Variants in DNAJC27 observed in about 807,000 individuals in gnomAD.
DNAJC27 encodes the protein DnaJ heat shock protein family (Hsp40) member C27.
In DNAJC27, 25 loss-of-function variants were observed where a neutral mutation model predicts 31.4. The observed-to-expected ratio is 0.80, with a 90% CI of 0.58 to 1.11. The LOEUF is 1.11. Ranked by LOEUF, DNAJC27 falls within the 50% of genes most tolerant of loss-of-function variation. The pLI, the probability that DNAJC27 is intolerant of heterozygous loss-of-function variation, is 0.00. For synonymous variants in DNAJC27, 106 were observed against 112.7 expected (o/e 0.94, Z 0.37); for missense variants, 356 against 347.3 (o/e 1.02, Z -0.20).
intron 3 of DNAJC27, chr2:24,958,561 T>C (rs1299544739): frequency 4.8e-6 from 2 of 420,014 alleles, no homozygotes. Context: ...TTTGTGATCT[T>C]GGGCAAGTCA....
chr2:24,948,702 G>C (rs1665702191), intron 6 of DNAJC27, among the ~76,000 whole-genome samples: 1 of 152,166 alleles, frequency 6.6e-6, no homozygotes, highest in South Asian at 2.1e-4. Context: ...AACTGGCTGG[G>C]GAGGGGCCTG....
chr2:24,951,321 C>T (rs947020847), intron 6 of DNAJC27, 73 bp downstream of exon 6: 1 of 1,441,438 alleles, frequency 6.9e-7, no homozygotes, highest in African/African-American at 1.4e-5. Context: ...GGAAGATATA[C>T]TGCACCTATA....
rs1284650005 is a variant in DNAJC27 at position 24,945,426 on chromosome 2, A to C, written c.*2190T>G. 1 of 152,214 alleles carries C rather than the reference A, an allele frequency of 6.6e-6. No homozygotes were observed. The highest frequency in any genetic ancestry group is 1.5e-5 in the Non-Finnish European group (1 of 68,034). 9.4% of individuals were successfully genotyped at this position (152,214 alleles called of 1,614,324 possible). A position where few individuals can be genotyped will look rare whatever the true frequency, so the allele number is the denominator to read the frequency against. On this transcript the variant is annotated 3_prime_UTR_variant, in exon 7 of 7. Coordinates refer to ENST00000264711, the MANE Select transcript of DNAJC27 (RefSeq NM_016544.3). ...ATTGCTCATCTGTGCAATACGGCTG[A>C]ATGAGGTTCCCAATCTAGTATTTAA...
At position 24,947,765 on chromosome 2, in the gene DNAJC27, A is replaced by C. The variant is rs765762166; in HGVS notation, c.690-17T>G. On this transcript the variant is annotated splice_polypyrimidine_tract_variant and intron_variant, in intron 6 of 6. Coordinates refer to ENST00000264711, the MANE Select transcript of DNAJC27 (RefSeq NM_016544.3). ...ACTTCATCCCTGGGAAAAGAAGCCA[A>C]GATCTATGTTAGTAACAGAGTCAGC... 2 of 1,608,972 alleles carry C rather than the reference A, an allele frequency of 1.2e-6. No individual in the cohort carries two copies. Among genetic ancestry groups the C allele is most frequent in the South Asian group, 1.1e-5 (1 of 90,754 alleles).
chr2:24,949,023 G>T (rs1300930855), intron 6 of DNAJC27, among the ~76,000 whole-genome samples: 1 of 152,174 alleles, frequency 6.6e-6, no homozygotes, highest in Admixed American at 6.5e-5. Flanking sequence ...TGAGGTCATA[G>T]GGTCATGTTA....
intron 1 of DNAJC27, among the ~76,000 whole-genome samples, chr2:24,970,072 T>C (rs1666290310): frequency 2.0e-5 from 3 of 152,254 alleles, no homozygotes; most frequent in Admixed American, 6.5e-5. Flanking sequence ...TGTCTTCATA[T>C]AGGTGCTGCC....
chr2:24,945,383 T>C lies in DNAJC27; in HGVS notation c.*2233A>G, dbSNP rs573876535. On this transcript the variant is annotated 3_prime_UTR_variant, in exon 7 of 7. Coordinates refer to ENST00000264711, the MANE Select transcript of DNAJC27 (RefSeq NM_016544.3). Reference sequence around the variant, plus strand: ...ATAAGGATATGAGTGGGAGCACTAATGAATTTTCTCTGCTGTAATTGCTCA... The same window carrying C: ...ATAAGGATATGAGTGGGAGCACTAACGAATTTTCTCTGCTGTAATTGCTCA... 9.8e-4 allele frequency: 150 copies of C among 152,308 alleles called. No individual in the cohort carries two copies. Among genetic ancestry groups the C allele is most frequent in the African/African-American group, 3.6e-3 (148 of 41,564 alleles). 9.4% of individuals were successfully genotyped at this position (152,308 alleles called of 1,614,324 possible).
At chr2:24,954,197 A>G (rs1042296341) in intron 5 of DNAJC27, among the ~76,000 whole-genome samples, 30 of 152,248 alleles carry the variant, frequency 2.0e-4, no homozygotes, top group African/African-American at 6.5e-4. Context: ...GCTGGGCTAT[A>G]TATGCATAGG....
rs1278191015 is a variant in DNAJC27, at chr2:24,944,390, G to A, written c.*3226C>T. The A allele has an allele frequency of 1.3e-5, 2 of 151,412 alleles. No individual in the cohort carries two copies. The highest frequency in any genetic ancestry group is 4.9e-5 in the African/African-American group (2 of 41,000). 9.4% of individuals were successfully genotyped at this position (151,412 alleles called of 1,614,324 possible). A position where few individuals can be genotyped will look rare whatever the true frequency, so the allele number is the denominator to read the frequency against. ...TTCTTTTTTTTAAAAAACTGATTCA[G>A]AGCTTGCAGTGGCTGCTTACTTACT... is the stretch of plus-strand genomic sequence containing the variant. On this transcript the variant is annotated 3_prime_UTR_variant, in exon 7 of 7. Transcript: ENST00000264711.
At chr2:24,967,548 A>C (rs566092349) in intron 1 of DNAJC27, among the ~76,000 whole-genome samples, 2 of 152,236 alleles carry the variant, frequency 1.3e-5, no homozygotes, top group Non-Finnish European at 2.9e-5. Context: ...AAAAATACAA[A>C]AATCAGCCGG....
At chr2:24,955,371 A>T (rs1279024126) in intron 5 of DNAJC27, among the ~76,000 whole-genome samples, 3 of 152,112 alleles carry the variant, frequency 2.0e-5, no homozygotes, top group Admixed American at 6.5e-5. Flanking sequence ...AAAAATGCAT[A>T]AAAAAATGGA....
rs1000888539 is a variant in DNAJC27 at position 24,947,474 on chromosome 2, C to G, written c.*142G>C. The G allele has an allele frequency of 2.0e-6, 2 of 1,023,440 alleles. No homozygotes were observed. Among genetic ancestry groups the G allele is most frequent in the African/African-American group, 3.2e-5 (2 of 62,608 alleles). The allele number at this position is 1,023,440 out of a possible 1,614,324, so 63.4% of individuals were successfully genotyped here. On this transcript the variant is annotated 3_prime_UTR_variant, in exon 7 of 7. Transcript: ENST00000264711. ...AGTAAAATGTCTATGAAATGGGTAC[C>G]TGAATTACTGATATACAAATGACAA...
chr2:24,965,679 G>A (rs1251869841), intron 2 of DNAJC27, among the ~76,000 whole-genome samples: 5 of 152,204 alleles, frequency 3.3e-5, no homozygotes, highest in Non-Finnish European at 7.3e-5. Flanking sequence ...GGTGCTGTAA[G>A]AGCATTACAC....
intron 2 of DNAJC27, among the ~76,000 whole-genome samples, chr2:24,965,720 T>C (rs1365036153): frequency 6.6e-6 from 1 of 152,226 alleles, no homozygotes; most frequent in Non-Finnish European, 1.5e-5. Flanking sequence ...TACCATTTAC[T>C]GGGGCCACTT....
rs193279023 is a variant in DNAJC27, at chr2:24,954,713, G to A, written c.528+2330C>T. On this transcript the variant is annotated intron_variant, in intron 5 of 6. Transcript: ENST00000264711. ...AGCACTGTGGGAGGCCGAGGCGGGC[G>A]GATCACGAGATCACGAGATCGAGAC... Among the ~76,000 whole-genome samples the A allele has an allele frequency of 1.2e-3, 180 of 152,282 alleles. 2 individuals carry two copies. The highest frequency in any genetic ancestry group is 3.7e-3 in the African/African-American group (153 of 41,560).
chr2:24,958,007 G>GT (rs1484318691), intron 3 of DNAJC27, 33 bp from the exon 4 acceptor site: 12 of 1,594,210 alleles, frequency 7.5e-6, no homozygotes, highest in Non-Finnish European at 1.0e-5. Flanking sequence ...ACAAAACGTA[G>GT]TTTTTGTGAT....
At chr2:24,948,213 A>C (rs553709211) in intron 6 of DNAJC27, among the ~76,000 whole-genome samples, 162 of 152,284 alleles carry the variant, frequency 1.1e-3, no homozygotes, top group African/African-American at 3.9e-3. Flanking sequence ...TGGGCCTGAT[A>C]AACAATCACA....
chr2:24,972,090 G>C, upstream of DNAJC27: 1 of 493,220 alleles, frequency 2.0e-6, no homozygotes, highest in Non-Finnish European at 3.6e-6. Context: ...CCGGGGGAGG[G>C]AGACGGGAGT....
chr2:24,969,703 T>C (rs1265842764), intron 1 of DNAJC27, among the ~76,000 whole-genome samples: 2 of 152,146 alleles, frequency 1.3e-5, no homozygotes, highest in African/African-American at 4.8e-5. Context: ...GGTCTCGAAC[T>C]CCTGAGCTCA....
Sources: gnomAD v4.1 joint callset for allele counts (sites outside exome capture counted in the v4.1 genomes callset) on GRCh38, gnomAD v4.1.1 for gene constraint, MANE v1.5 for transcripts, NCBI Gene and HGNC (gene_info 2026-07-23, HGNC 2026-07-21) for gene names.